HRH1: variants seen among roughly 807,000 people sequenced by gnomAD.
HRH1 encodes histamine receptor H1.
A neutral mutation model predicts 10.3 loss-of-function variants in HRH1; 6 were observed. The ratio of observed to expected loss-of-function variants is 0.58; its 90% CI spans 0.32 to 1.15. The LOEUF (loss-of-function observed/expected upper bound fraction) is 1.15. HRH1 is among the 50% of genes most tolerant of loss of function. The pLI, the probability that HRH1 is intolerant of heterozygous loss-of-function variation, is 0.05. For missense variants in HRH1, 514 were observed against 615.3 expected, an observed-to-expected ratio of 0.84 and a Z score of 1.74; for synonymous variants, 242 against 236.7, an observed-to-expected ratio of 1.02 and a Z score of -0.21.
intron 1 of HRH1, among the ~76,000 whole-genome samples, chr3:11,175,853 A>G (rs1937237947): frequency 6.6e-6 from 1 of 152,222 alleles, no homozygotes; most frequent in Non-Finnish European, 1.5e-5. Context: ...ACATGATCAG[A>G]GCAATCTTAG....
chr3:11,210,327 G>A (rs1032113335), intron 1 of HRH1, among the ~76,000 whole-genome samples: 2 of 152,158 alleles, frequency 1.3e-5, no homozygotes, highest in Non-Finnish European at 2.9e-5. Flanking sequence ...CCGGGAGGTC[G>A]AGGCTGCCGT....
At chr3:11,169,897 A>G (rs9843334) in intron 1 of HRH1, among the ~76,000 whole-genome samples, 1 of 151,912 alleles carries the variant, frequency 6.6e-6, no homozygotes, top group Non-Finnish European at 1.5e-5. Context: ...CCTCATCCTT[A>G]GAAAAGGGTC....
chr3:11,236,934 C>G (rs1939196548), intron 1 of HRH1, among the ~76,000 whole-genome samples: 1 of 152,210 alleles, frequency 6.6e-6, no homozygotes, highest in Admixed American at 6.5e-5. Flanking sequence ...ATCTGCCTCT[C>G]TTTTTCTCCT....
chr3:11,226,794 C>T (rs375491422), intron 1 of HRH1, among the ~76,000 whole-genome samples: 204 of 149,924 alleles, frequency 1.4e-3, no homozygotes, highest in African/African-American at 4.6e-3. Flanking sequence ...GGCTGAGGCA[C>T]GAGAATCACT....
In HRH1 at chr3:11,139,061, C is replaced by CACTGCAGCCTCTGCCTCCCAGGTTCA. The variant is rs1467922736; in HGVS notation, c.-36+1664_-36+1689dup. On this transcript the variant is annotated intron_variant, in intron 1 of 1. Transcript: ENST00000438284. ...AGAGTGCAATGGTGCGATCTCGGCT[C>CACTGCAGCCTCTGCCTCCCAGGTTCA]ACTGCAGCCTCTGCCTCCCAGGTTC... Among the ~76,000 whole-genome samples the CACTGCAGCCTCTGCCTCCCAGGTTCA allele has an allele frequency of 1.2e-4, 18 of 151,476 alleles. No homozygotes were observed. In the South Asian group the frequency reaches 3.6e-3, roughly 30 times the overall value.
At chr3:11,151,241 C>T (rs1936612476), upstream of HRH1, among the ~76,000 whole-genome samples, 1 of 152,156 alleles carries the variant, frequency 6.6e-6, no homozygotes, top group African/African-American at 2.4e-5. Context: ...GTTGTTTAGC[C>T]ATTTCCACCT....
chr3:11,162,150 C>T (rs751260821), intron 1 of HRH1, among the ~76,000 whole-genome samples: 8 of 152,132 alleles, frequency 5.3e-5, no homozygotes, highest in Admixed American at 2.0e-4. Flanking sequence ...CCTGCAGGCA[C>T]GCTGGCTCCC....
At chr3:11,192,743 CA>C (rs1937570218) in intron 1 of HRH1, among the ~76,000 whole-genome samples, 1 of 152,138 alleles carries the variant, frequency 6.6e-6, no homozygotes, top group Non-Finnish European at 1.5e-5. Context: ...AGACCATTCA[CA>C]ACAATTGAGT....
chr3:11,245,272 G>A (rs1303465376), intron 1 of HRH1, among the ~76,000 whole-genome samples: 4 of 151,976 alleles, frequency 2.6e-5, no homozygotes, highest in African/African-American at 9.7e-5. Context: ...GGAATCACTT[G>A]AACCCGGGAG....
At chr3:11,181,077 G>A (rs908711791) in intron 1 of HRH1, among the ~76,000 whole-genome samples, 1 of 151,876 alleles carries the variant, frequency 6.6e-6, no homozygotes, top group African/African-American at 2.4e-5. Flanking sequence ...GAGCCCAGGA[G>A]TTCAAGACCA....
intron 1 of HRH1, among the ~76,000 whole-genome samples, chr3:11,232,853 T>C: frequency 6.6e-6 from 1 of 152,250 alleles, no homozygotes; most frequent in East Asian, 1.9e-4. Context: ...TCTGAGAATG[T>C]GTTGATTTCC....
At chr3:11,229,854 T>C (rs945849076) in intron 1 of HRH1, among the ~76,000 whole-genome samples, 65 of 152,298 alleles carry the variant, frequency 4.3e-4, no homozygotes, top group Admixed American at 4.2e-3. Context: ...TAAATACATA[T>C]ATAAAGTAAA....
At chr3:11,161,343 T>C (rs923971568) in intron 1 of HRH1, among the ~76,000 whole-genome samples, 2 of 152,246 alleles carry the variant, frequency 1.3e-5, no homozygotes, top group Non-Finnish European at 2.9e-5. Context: ...TTCAAGAGTG[T>C]TCCTTTTATT....
intron 1 of HRH1, among the ~76,000 whole-genome samples, chr3:11,181,450 C>T (rs1253353338): frequency 2.6e-5 from 4 of 152,134 alleles, no homozygotes; most frequent in African/African-American, 9.7e-5. Flanking sequence ...GATTTCTCCA[C>T]ATCTTTGCCA....
At chr3:11,202,527 ATGTGGTAT>A (rs1261079636) in intron 1 of HRH1, among the ~76,000 whole-genome samples, 1 of 152,154 alleles carries the variant, frequency 6.6e-6, no homozygotes, top group Non-Finnish European at 1.5e-5. Flanking sequence ...TCCTGACCCT[ATGTGGTAT>A]TGACCTCCTG....
chr3:11,220,998 T>C (rs1028558717), intron 1 of HRH1, among the ~76,000 whole-genome samples: 2 of 152,172 alleles, frequency 1.3e-5, no homozygotes, highest in African/African-American at 4.8e-5. Flanking sequence ...CAATGTTAAA[T>C]AGACTCTCTG....
At chr3:11,144,725 G>A (rs1936392794) in intron 1 of HRH1, among the ~76,000 whole-genome samples, 1 of 151,714 alleles carries the variant, frequency 6.6e-6, no homozygotes, top group African/African-American at 2.4e-5. Flanking sequence ...AGGAGCCAAA[G>A]AGAGAAAAAC....
chr3:11,155,783 T>C (rs1332871215), intron 1 of HRH1, among the ~76,000 whole-genome samples: 2 of 151,962 alleles, frequency 1.3e-5, no homozygotes, highest in African/African-American at 4.8e-5. Context: ...GAGGGTCTTA[T>C]AGGAAGAGTC....
chr3:11,179,691 G>A (rs1937316604), intron 1 of HRH1, among the ~76,000 whole-genome samples: 1 of 151,108 alleles, frequency 6.6e-6, no homozygotes, highest in Non-Finnish European at 1.5e-5. Flanking sequence ...CCTGACTTCA[G>A]TTCTGAACTC....
Sources: gnomAD v4.1 joint callset for allele counts (sites outside exome capture counted in the v4.1 genomes callset) on GRCh38, gnomAD v4.1.1 for gene constraint, MANE v1.5 for transcripts, NCBI Gene and HGNC (gene_info 2026-07-23, HGNC 2026-07-21) for gene names.